SNTG2: variants seen among roughly 807,000 people sequenced by gnomAD.
SNTG2 encodes the protein gamma-2-syntrophin.
Under a neutral mutation model 70.9 loss-of-function variants are expected in SNTG2, and 74 were observed. The observed-to-expected ratio is 1.04, with a 90% CI of 0.86 to 1.27. The LOEUF is 1.27. Among genes scored for constraint, SNTG2 ranks in the 50% most tolerant of loss-of-function variants. The probability of loss-of-function intolerance (pLI) is 0.00; values close to 1 mark genes in which losing one functional copy is unlikely to be tolerated. For missense variants in SNTG2, 717 were observed against 690.7 expected, an observed-to-expected ratio of 1.04 and a Z score of -0.43; for synonymous variants, 278 against 273.8, an observed-to-expected ratio of 1.02 and a Z score of -0.15.
intron 1 of SNTG2, among the ~76,000 whole-genome samples, chr2:1,023,137 C>T (rs933446422): frequency 8.1e-5 from 12 of 148,504 alleles, no homozygotes; most frequent in Non-Finnish European, 1.6e-4. Context: ...TAGATATTCA[C>T]ATAGGTTTTT....
At chr2:1,312,035 T>C (rs12476353) in intron 15 of SNTG2, among the ~76,000 whole-genome samples, 20,918 of 151,890 alleles carry the variant, frequency 0.14, 1,610 homozygotes, top group South Asian at 0.2. Context: ...GCTTGCCAGA[T>C]AAAGACAAGC....
At chr2:1,094,457 C>A (rs78118598) in intron 2 of SNTG2, among the ~76,000 whole-genome samples, 2 of 68,324 alleles carry the variant, frequency 2.9e-5, no homozygotes, top group South Asian at 6.6e-4. Flanking sequence ...AGCTTCCTGG[C>A]CTGCAGGCAA....
Position 998,529 on chromosome 2 carries a change from A to G in SNTG2, c.72+47461A>G, listed in dbSNP as rs1309397571. ...TTACAAAATACTGTTGAAGGCAGTAACAATAGACTAGACCAAGCAGAAGAA... is the reference window on the plus strand; with the variant it reads ...TTACAAAATACTGTTGAAGGCAGTAGCAATAGACTAGACCAAGCAGAAGAA... On this transcript the variant is annotated intron_variant, in intron 1 of 16. Coordinates refer to ENST00000308624, the MANE Select transcript of SNTG2 (RefSeq NM_018968.4). Among the ~76,000 whole-genome samples, 4 of 152,086 alleles carry G rather than the reference A, an allele frequency of 2.6e-5. No individual in the cohort carries two copies. The South Asian group carries it at 6.2e-4, about 24-fold the overall frequency.
chr2:955,252 AC>A (rs1660104016), intron 1 of SNTG2, among the ~76,000 whole-genome samples: 1 of 152,162 alleles, frequency 6.6e-6, no homozygotes, highest in African/African-American at 2.4e-5. Flanking sequence ...GAAAAAGGTG[AC>A]CCTCCACTGT....
intron 13 of SNTG2, chr2:1,262,728 A>G (rs559672181): frequency 2.6e-5 from 4 of 151,574 alleles, no homozygotes; most frequent in African/African-American, 9.8e-5. Flanking sequence ...CTCCGTCCAG[A>G]CGAGGCAACC....
chr2:1,088,949 TAAAC>T (rs1248179857), intron 2 of SNTG2, among the ~76,000 whole-genome samples: 1 of 152,174 alleles, frequency 6.6e-6, no homozygotes, highest in East Asian at 1.9e-4. Flanking sequence ...GATTGGAACA[TAAAC>T]AAACTGTAAG....
At chr2:1,136,148 G>T (rs1248535739) in intron 4 of SNTG2, among the ~76,000 whole-genome samples, 1 of 152,052 alleles carries the variant, frequency 6.6e-6, no homozygotes, top group Non-Finnish European at 1.5e-5. Context: ...ACTTTCTTCT[G>T]TTAGCCTTTG....
At chr2:1,244,342 G>A (rs938917956) in intron 11 of SNTG2, among the ~76,000 whole-genome samples, 2 of 152,046 alleles carry the variant, frequency 1.3e-5, no homozygotes, top group Non-Finnish European at 1.5e-5. Context: ...GAGGATATTG[G>A]TGTGACTCCT....
intron 2 of SNTG2, among the ~76,000 whole-genome samples, chr2:1,092,495 G>A (rs1352409171): frequency 6.6e-5 from 10 of 152,204 alleles, no homozygotes; most frequent in Non-Finnish European, 8.8e-5. Context: ...TGGTACAGGC[G>A]CAGTGTTTTA....
chr2:1,314,626 G>A (rs959443389), intron 15 of SNTG2, among the ~76,000 whole-genome samples: 5 of 152,188 alleles, frequency 3.3e-5, no homozygotes, highest in Admixed American at 6.5e-5. Context: ...TTCTGCTCGC[G>A]ACAAGAATGG....
At chr2:1,307,218 G>A (rs1184918169) in intron 14 of SNTG2, among the ~76,000 whole-genome samples, 1 of 149,670 alleles carries the variant, frequency 6.7e-6, no homozygotes, top group Non-Finnish European at 1.5e-5. Flanking sequence ...GTCTGTGTCT[G>A]TATGTCTGTG....
chr2:1,251,810 G>A (rs1305935063), intron 12 of SNTG2, among the ~76,000 whole-genome samples: 1 of 147,324 alleles, frequency 6.8e-6, no homozygotes, highest in Non-Finnish European at 1.5e-5. Context: ...ACACACACGT[G>A]CACACCACTC....
At chr2:1,044,690 A>G (rs1661626043) in intron 1 of SNTG2, among the ~76,000 whole-genome samples, 2 of 152,194 alleles carry the variant, frequency 1.3e-5, no homozygotes. Context: ...GATGAAGTAT[A>G]TCGATTTATT....
chr2:1,015,650 C>T (rs1168152418), intron 1 of SNTG2, among the ~76,000 whole-genome samples: 1 of 152,214 alleles, frequency 6.6e-6, no homozygotes, highest in Non-Finnish European at 1.5e-5. Flanking sequence ...GTCTTCTTCC[C>T]AGCTAGGAGA....
chr2:1,313,358 A>T (rs1039781520), intron 15 of SNTG2, among the ~76,000 whole-genome samples: 90 of 152,280 alleles, frequency 5.9e-4, no homozygotes, highest in African/African-American at 2.1e-3. Context: ...CCACGGGAGG[A>T]TGGGTCCACC....
At chr2:1,130,894 G>A (rs963730417) in intron 4 of SNTG2, among the ~76,000 whole-genome samples, 7 of 152,170 alleles carry the variant, frequency 4.6e-5, no homozygotes, top group African/African-American at 1.2e-4. Flanking sequence ...TTCATTCGCC[G>A]CAGATAGCTA....
chr2:1,116,352 G>A (rs557417770), intron 4 of SNTG2, among the ~76,000 whole-genome samples: 1 of 152,240 alleles, frequency 6.6e-6, no homozygotes, highest in Admixed American at 6.5e-5. Context: ...TGTGAAAACA[G>A]CTCCAGTTAC....
chr2:1,270,147 T>C (rs36161266), intron 14 of SNTG2, among the ~76,000 whole-genome samples: 32,368 of 152,074 alleles, frequency 0.21, 4,747 homozygotes, highest in African/African-American at 0.41. Context: ...GAACCCACCC[T>C]GCAGGCATTT....
chr2:1,311,677 G>A (rs1027120067), intron 15 of SNTG2, among the ~76,000 whole-genome samples: 13 of 152,090 alleles, frequency 8.5e-5, no homozygotes, highest in Non-Finnish European at 2.9e-5. Context: ...AATATGAAAT[G>A]CTTCTAAATA....
Sources: allele counts gnomAD v4.1 joint callset (sites outside exome capture counted in the v4.1 genomes callset), GRCh38; gene constraint gnomAD v4.1.1; transcripts MANE v1.5; gene names NCBI Gene and HGNC (gene_info 2026-07-23, HGNC 2026-07-21).